The following ROBO1 variants were observed in gnomAD, a reference collection of about 807,000 sequenced individuals.
ROBO1 encodes roundabout homolog 1.
Under a neutral mutation model 195.9 loss-of-function variants are expected in ROBO1, and 149 were observed. The ratio of observed to expected loss-of-function variants is 0.76; its 90% confidence interval spans 0.67 to 0.87. ROBO1 has a LOEUF of 0.87. ROBO1 is among the 40% of genes least tolerant of loss of function. ROBO1 has a pLI of 0.00. For synonymous variants in ROBO1, 816 were observed against 733.2 expected (o/e 1.11, Z -1.82); for missense variants, 1,933 against 2,068.3 (o/e 0.93, Z 1.27).
intron 3 of ROBO1, among the ~76,000 whole-genome samples, chr3:79,002,660 C>T (rs1315338387): frequency 6.6e-6 from 1 of 152,032 alleles, no homozygotes; most frequent in Non-Finnish European, 1.5e-5. Context: ...TATGAATTTC[C>T]CAGGCTTATG....
At chr3:78,881,411 T>C (rs890055222) in intron 4 of ROBO1, among the ~76,000 whole-genome samples, 1 of 152,150 alleles carries the variant, frequency 6.6e-6, no homozygotes, top group Admixed American at 6.5e-5. Flanking sequence ...GTCTCATGTA[T>C]GGAGATATTT....
At chr3:78,969,642 T>G (rs1378174497) in intron 3 of ROBO1, among the ~76,000 whole-genome samples, 4 of 152,182 alleles carry the variant, frequency 2.6e-5, no homozygotes, top group Admixed American at 2.6e-4. Flanking sequence ...ATGCTGCATG[T>G]GTTGCACTGA....
intron 1 of ROBO1, among the ~76,000 whole-genome samples, chr3:79,684,165 T>G (rs1043572659): frequency 6.6e-6 from 1 of 152,172 alleles, no homozygotes; most frequent in Non-Finnish European, 1.5e-5. Context: ...AGCTGTATCT[T>G]ATTGTGGCTT....
At chr3:79,018,461 T>C (rs371194414) in intron 3 of ROBO1, 11 of 1,613,794 alleles carry the variant, frequency 6.8e-6, no homozygotes, top group Admixed American at 1.7e-5. Flanking sequence ...TCCGCAATCA[T>C]TGTCCTCGGG....
intron 5 of ROBO1, among the ~76,000 whole-genome samples, chr3:78,739,457 A>G (rs988591701): frequency 6.6e-6 from 1 of 152,198 alleles, no homozygotes; most frequent in African/African-American, 2.4e-5. Context: ...ATTTGGACTG[A>G]TAACTACAAA....
chr3:79,182,951 C>T (rs1013129403), intron 2 of ROBO1, among the ~76,000 whole-genome samples: 1 of 151,658 alleles, frequency 6.6e-6, no homozygotes, highest in Middle Eastern at 3.4e-3. Flanking sequence ...TGTGGTGGCA[C>T]GTGCCTGTAG....
chr3:78,750,382 G>T (rs1485201493), intron 4 of ROBO1, among the ~76,000 whole-genome samples: 1 of 151,366 alleles, frequency 6.6e-6, no homozygotes, highest in African/African-American at 2.4e-5. Flanking sequence ...GAACCCAGGA[G>T]GTGGAGCTTG....
chr3:78,768,949 G>T (rs1307268230), intron 4 of ROBO1, among the ~76,000 whole-genome samples: 1 of 151,882 alleles, frequency 6.6e-6, no homozygotes, highest in Non-Finnish European at 1.5e-5. Flanking sequence ...TGAGAATGAT[G>T]ATTTCCAATT....
At chr3:79,513,270 CTAG>C (rs1575947976) in intron 2 of ROBO1, among the ~76,000 whole-genome samples, 1 of 152,020 alleles carries the variant, frequency 6.6e-6, no homozygotes, top group Non-Finnish European at 1.5e-5. Flanking sequence ...TCATAGAAAA[CTAG>C]TAGATGACTT....
chr3:79,673,947 T>C (rs1946708099), intron 1 of ROBO1, among the ~76,000 whole-genome samples: 1 of 152,124 alleles, frequency 6.6e-6, no homozygotes, highest in Admixed American at 6.6e-5. Flanking sequence ...AGGGGAAGCA[T>C]GTATTACCAA....
chr3:78,636,888 T>C (rs897236230), intron 22 of ROBO1, among the ~76,000 whole-genome samples: 16 of 144,774 alleles, frequency 1.1e-4, no homozygotes, highest in African/African-American at 3.8e-4. Flanking sequence ...ATTGAAATAT[T>C]TGGACATTAA....
intron 2 of ROBO1, among the ~76,000 whole-genome samples, chr3:79,535,816 C>T (rs1031071412): frequency 3.3e-5 from 5 of 152,068 alleles, no homozygotes; most frequent in Non-Finnish European, 7.4e-5. Flanking sequence ...AGCAGTCACT[C>T]ACACCCTTGA....
At chr3:79,508,607 T>G in intron 2 of ROBO1, among the ~76,000 whole-genome samples, 1 of 152,162 alleles carries the variant, frequency 6.6e-6, no homozygotes, top group Non-Finnish European at 1.5e-5. Context: ...TTATGGCTTT[T>G]CATTCCCCCA....
At position 79,199,219 on chromosome 3, in the gene ROBO1, T is replaced by A. The variant is rs540882113; in HGVS notation, c.89-73680A>T. On this transcript the variant is annotated intron_variant, in intron 2 of 30. Transcript: ENST00000464233. ...AAAAATCCATGCAAAATTAAAGTTG[T>A]TTTGTATTCCACTCACTGGTTAGAT... 2.6e-5 allele frequency among the ~76,000 whole-genome samples: 4 copies of A among 151,640 alleles called. No individual in the cohort carries two copies. In the East Asian group the frequency reaches 7.7e-4, roughly 29 times the overall value.
chr3:78,992,479 T>C (rs778474149), intron 3 of ROBO1, among the ~76,000 whole-genome samples: 3 of 152,174 alleles, frequency 2.0e-5, no homozygotes, highest in Non-Finnish European at 4.4e-5. Flanking sequence ...AAAGTAGTCC[T>C]GAGTAGAAGC....
intron 2 of ROBO1, among the ~76,000 whole-genome samples, chr3:79,245,139 A>C (rs2082600515): frequency 6.6e-6 from 1 of 152,112 alleles, no homozygotes; most frequent in Admixed American, 6.6e-5. Context: ...GATCTATTTA[A>C]CATTGCTTCT....
chr3:78,857,971 C>G (rs1334941857), intron 4 of ROBO1, among the ~76,000 whole-genome samples: 2 of 152,172 alleles, frequency 1.3e-5, no homozygotes, highest in Non-Finnish European at 2.9e-5. Context: ...GGTCATCACT[C>G]TGACAAATGT....
At chr3:79,598,905 G>A (rs560725267) in intron 1 of ROBO1, among the ~76,000 whole-genome samples, 5 of 152,118 alleles carry the variant, frequency 3.3e-5, no homozygotes, top group African/African-American at 9.6e-5. Flanking sequence ...CTAACCAGAG[G>A]TCCTGAGCCT....
At chr3:78,738,145 G>A (rs1251004889) in intron 5 of ROBO1, among the ~76,000 whole-genome samples, 2 of 152,170 alleles carry the variant, frequency 1.3e-5, no homozygotes, top group Admixed American at 6.6e-5. Context: ...GGAATTGGGA[G>A]GAAAGGAAGC....
Sources: allele counts gnomAD v4.1 joint callset (sites outside exome capture counted in the v4.1 genomes callset), GRCh38; gene constraint gnomAD v4.1.1; transcripts MANE v1.5; gene names NCBI Gene and HGNC (gene_info 2026-07-23, HGNC 2026-07-21).